Variants in MIPOL1 observed in about 807,000 individuals in gnomAD.
MIPOL1 encodes the protein mirror-image polydactyly gene 1 protein.
In MIPOL1, 57 loss-of-function variants were observed where a neutral mutation model predicts 60.9. The observed-to-expected ratio is 0.94, with a 90% CI of 0.76 to 1.17. The LOEUF (loss-of-function observed/expected upper bound fraction) is 1.17, where lower values mean the gene tolerates loss of function less well. MIPOL1 is among the 50% of genes most tolerant of loss of function. The pLI, the probability that MIPOL1 is intolerant of heterozygous loss-of-function variation, is 0.00. For synonymous variants in MIPOL1, 179 were observed against 168.8 expected, an observed-to-expected ratio of 1.06 and a Z score of -0.47; for missense variants, 551 against 511.6, an observed-to-expected ratio of 1.08 and a Z score of -0.74.
intron 10 of MIPOL1, among the ~76,000 whole-genome samples, chr14:37,380,307 C>G (rs2092891951): frequency 6.6e-6 from 1 of 152,066 alleles, no homozygotes; most frequent in African/African-American, 2.4e-5. Flanking sequence ...ATTTTTTTCT[C>G]AAGAGAATGT....
At chr14:37,503,442 G>A (rs77147320) in intron 12 of MIPOL1, 1 of 152,106 alleles carries the variant, frequency 6.6e-6, no homozygotes, top group African/African-American at 2.4e-5. Context: ...GAGAGTAGGG[G>A]CCAATATTCA....
At chr14:37,215,587 G>A (rs770447031) in intron 1 of MIPOL1, among the ~76,000 whole-genome samples, 18 of 152,140 alleles carry the variant, frequency 1.2e-4, no homozygotes, top group Non-Finnish European at 2.4e-4. Flanking sequence ...AGAGAATATT[G>A]TAAAACAACC....
intron 9 of MIPOL1, among the ~76,000 whole-genome samples, chr14:37,347,030 C>A (rs1466452344): frequency 6.6e-6 from 1 of 152,092 alleles, no homozygotes; most frequent in Non-Finnish European, 1.5e-5. Context: ...ATTAATAAAA[C>A]TTTAGGTCGT....
At chr14:37,378,096 G>A (rs1280520571) in intron 10 of MIPOL1, among the ~76,000 whole-genome samples, 7 of 152,094 alleles carry the variant, frequency 4.6e-5, no homozygotes, top group African/African-American at 1.7e-4. Context: ...GCTGTTAGGA[G>A]TGTAAAATGG....
chr14:37,444,041 G>C (rs959029922), intron 11 of MIPOL1, among the ~76,000 whole-genome samples: 2 of 152,002 alleles, frequency 1.3e-5, no homozygotes, highest in African/African-American at 4.8e-5. Flanking sequence ...TTCTATGTAA[G>C]ATCAAGAACA....
intron 12 of MIPOL1, among the ~76,000 whole-genome samples, chr14:37,514,763 A>G (rs1432074436): frequency 6.6e-6 from 1 of 152,014 alleles, no homozygotes; most frequent in Non-Finnish European, 1.5e-5. Context: ...CTGGGATTAC[A>G]GGCATGTGCT....
chr14:37,272,901 A>G (rs1401936270), intron 6 of MIPOL1, among the ~76,000 whole-genome samples: 1 of 151,548 alleles, frequency 6.6e-6, no homozygotes, highest in Non-Finnish European at 1.5e-5. Context: ...GGAAACAGCA[A>G]ATAGGAGACA....
intron 1 of MIPOL1, among the ~76,000 whole-genome samples, chr14:37,208,335 A>G (rs1481728174): frequency 6.6e-6 from 1 of 152,206 alleles, no homozygotes; most frequent in African/African-American, 2.4e-5. Flanking sequence ...GAAGCATACC[A>G]GTTTCCTAGC....
chr14:37,535,030 G>A (rs2095499706), intron 12 of MIPOL1, among the ~76,000 whole-genome samples: 1 of 152,046 alleles, frequency 6.6e-6, no homozygotes, highest in Admixed American at 6.6e-5. Flanking sequence ...CTATAAAGAA[G>A]GAAATATTGC....
At chr14:37,430,349 A>G (rs992095411) in intron 11 of MIPOL1, among the ~76,000 whole-genome samples, 18 of 152,080 alleles carry the variant, frequency 1.2e-4, no homozygotes, top group African/African-American at 4.1e-4. Flanking sequence ...ATTTAGTAAC[A>G]TTTAAAGTCA....
intron 7 of MIPOL1, among the ~76,000 whole-genome samples, chr14:37,294,767 AG>A (rs1345308045): frequency 7.9e-5 from 12 of 152,188 alleles, no homozygotes; most frequent in African/African-American, 2.2e-4. Context: ...AAAAAAGAAA[AG>A]AAATGAGCAA....
chr14:37,209,488 G>A (rs895507895), intron 1 of MIPOL1, among the ~76,000 whole-genome samples: 24 of 151,954 alleles, frequency 1.6e-4, no homozygotes, highest in Admixed American at 5.2e-4. Flanking sequence ...GTGAAACCCC[G>A]TCTCTACTAA....
At chr14:37,364,384 A>G (rs2092397338) in intron 9 of MIPOL1, among the ~76,000 whole-genome samples, 1 of 152,170 alleles carries the variant, frequency 6.6e-6, no homozygotes, top group Non-Finnish European at 1.5e-5. Flanking sequence ...TCTTTCATCC[A>G]TTTTGATTTG....
chr14:37,245,498 A>T (rs1048878168), intron 1 of MIPOL1, among the ~76,000 whole-genome samples: 1 of 152,264 alleles, frequency 6.6e-6, no homozygotes, highest in East Asian at 1.9e-4. Flanking sequence ...TACATTTTAA[A>T]CTTAGTGACA....
chr14:37,308,179 G>A, intron 8 of MIPOL1, 90 bp downstream of exon 8: 1 of 1,329,728 alleles, frequency 7.5e-7, no homozygotes, highest in Non-Finnish European at 1.0e-6. Context: ...ACTAAGATGT[G>A]GGAAAAAGAA....
intron 9 of MIPOL1, among the ~76,000 whole-genome samples, chr14:37,361,604 CTCTCTCTTTTTTTTTTT>C (rs1182180694): frequency 7.6e-6 from 1 of 130,896 alleles, no homozygotes; most frequent in Non-Finnish European, 1.6e-5. Context: ...GTTTCTCCCT[CTCTCTCTTTTTTTTTTT>C]TTTTTTTTTT....
chr14:37,273,007 A>G (rs1206825192), intron 6 of MIPOL1, among the ~76,000 whole-genome samples: 8 of 151,300 alleles, frequency 5.3e-5, no homozygotes, highest in Non-Finnish European at 1.0e-4. Flanking sequence ...AAATATAGAG[A>G]TTTATATTTA....
At chr14:37,283,977 A>G (rs1252815787) in intron 6 of MIPOL1, among the ~76,000 whole-genome samples, 1 of 152,334 alleles carries the variant, frequency 6.6e-6, no homozygotes, top group East Asian at 1.9e-4. Context: ...TTGGCCTCCC[A>G]AAGTGCTGGG....
At chr14:37,450,926 A>G (rs917506597) in intron 11 of MIPOL1, among the ~76,000 whole-genome samples, 3 of 152,146 alleles carry the variant, frequency 2.0e-5, no homozygotes, top group Non-Finnish European at 4.4e-5. Context: ...TAAGTTGTCT[A>G]TGAATAAAAA....
Sources: gnomAD v4.1 joint callset for allele counts (sites outside exome capture counted in the v4.1 genomes callset) on GRCh38, gnomAD v4.1.1 for gene constraint, MANE v1.5 for transcripts, NCBI Gene and HGNC (gene_info 2026-07-23, HGNC 2026-07-21) for gene names.